The following PTPRT variants were observed in gnomAD, a reference collection of about 807,000 sequenced individuals.
PTPRT encodes the protein receptor-type tyrosine-protein phosphatase T.
In PTPRT, 56 loss-of-function variants were observed where a neutral mutation model predicts 176.8. That is an observed-to-expected ratio of 0.32 (90% CI 0.26 to 0.40). The LOEUF (loss-of-function observed/expected upper bound fraction) is 0.40, where lower values mean the gene tolerates loss of function less well. Ranked by LOEUF, PTPRT falls within the 10% of genes least tolerant of loss-of-function variation. The probability of loss-of-function intolerance (pLI) is 1.00; values close to 1 mark genes in which losing one functional copy is unlikely to be tolerated. For synonymous variants in PTPRT, 783 were observed against 739.0 expected (o/e 1.06, Z -0.96); for missense variants, 1,540 against 1,908.2 (o/e 0.81, Z 3.60).
At chr20:42,812,373 A>G (rs1447227570) in intron 2 of PTPRT, among the ~76,000 whole-genome samples, 3 of 152,144 alleles carry the variant, frequency 2.0e-5, no homozygotes, top group African/African-American at 7.2e-5. Context: ...TTTTGTAACC[A>G]TTAAGTAATA....
intron 1 of PTPRT, among the ~76,000 whole-genome samples, chr20:43,110,851 C>T (rs1314696079): frequency 6.6e-6 from 1 of 152,060 alleles, no homozygotes; most frequent in Non-Finnish European, 1.5e-5. Flanking sequence ...GTAGTTCTGC[C>T]TTCACATGCA....
chr20:43,025,709 T>C (rs926494739), intron 1 of PTPRT, among the ~76,000 whole-genome samples: 1 of 152,198 alleles, frequency 6.6e-6, no homozygotes, highest in Non-Finnish European at 1.5e-5. Context: ...CACCTATTAG[T>C]CCTGGAATAT....
intron 16 of PTPRT, among the ~76,000 whole-genome samples, chr20:42,184,614 T>TCTTCTTCTTCTC (rs1990692690): frequency 7.0e-6 from 1 of 142,570 alleles, no homozygotes; most frequent in African/African-American, 2.8e-5. Context: ...TTCTTCTTCT[T>TCTTCTTCTTCTC]CTCCTCCTTC....
At chr20:43,074,872 T>C (rs1420714831) in intron 1 of PTPRT, among the ~76,000 whole-genome samples, 1 of 152,184 alleles carries the variant, frequency 6.6e-6, no homozygotes, top group Non-Finnish European at 1.5e-5. Context: ...CTCCAACATT[T>C]TGGAAGAAAT....
chr20:42,033,620 G>C, the PTPRT span, among the ~76,000 whole-genome samples: 2 of 152,190 alleles, frequency 1.3e-5, no homozygotes, highest in South Asian at 4.1e-4. Context: ...TCTAAAGTCA[G>C]AGAGGCCTGG....
chr20:42,787,583 A>G (rs1399158586), intron 3 of PTPRT, among the ~76,000 whole-genome samples: 1 of 152,260 alleles, frequency 6.6e-6, no homozygotes, highest in Admixed American at 6.5e-5. Context: ...CATGTTCCAC[A>G]GAGCACACTC....
intron 16 of PTPRT, among the ~76,000 whole-genome samples, chr20:42,179,388 A>C (rs1213951325): frequency 6.6e-6 from 1 of 152,206 alleles, no homozygotes; most frequent in Non-Finnish European, 1.5e-5. Flanking sequence ...TAAATGGTTT[A>C]ATTTTCCTTA....
chr20:42,095,868 C>T (rs931125184), intron 27 of PTPRT, among the ~76,000 whole-genome samples: 1 of 152,196 alleles, frequency 6.6e-6, no homozygotes, highest in Non-Finnish European at 1.5e-5. Flanking sequence ...AATAGACTCT[C>T]TCCGGAACGT....
At chr20:43,102,496 A>G (rs1383875042) in intron 1 of PTPRT, among the ~76,000 whole-genome samples, 2 of 152,238 alleles carry the variant, frequency 1.3e-5, no homozygotes, top group African/African-American at 4.8e-5. Flanking sequence ...AAAGTCAGAG[A>G]GAGAGAACAG....
chr20:42,799,057 C>T (rs915969249), intron 2 of PTPRT, among the ~76,000 whole-genome samples: 3 of 149,160 alleles, frequency 2.0e-5, no homozygotes, highest in East Asian at 3.9e-4. Context: ...GGGAGAGACA[C>T]AAGACAAAGA....
At chr20:42,975,899 A>G (rs539460222) in intron 1 of PTPRT, among the ~76,000 whole-genome samples, 24 of 151,862 alleles carry the variant, frequency 1.6e-4, no homozygotes, top group African/African-American at 5.6e-4. Flanking sequence ...AATTAAAAAA[A>G]ACTATCAGTC....
chr20:42,362,180 T>C (rs540106029), intron 9 of PTPRT, among the ~76,000 whole-genome samples: 9 of 152,120 alleles, frequency 5.9e-5, no homozygotes, highest in Admixed American at 5.9e-4. Flanking sequence ...GCTGGGAGGA[T>C]TGCGTGAGCC....
In PTPRT at chr20:42,281,365, G is replaced by T. The variant is rs556037120; in HGVS notation, c.2176+1124C>A. On this transcript the variant is annotated intron_variant, in intron 13 of 30. Coordinates refer to ENST00000373187, the MANE Select transcript of PTPRT (RefSeq NM_007050.6). ...TCATGGTGACTTCTTATCACAGGGA[G>T]CCCTAGTGCTTCCGTTTTCTTCTTC... Among the ~76,000 whole-genome samples the T allele has an allele frequency of 2.0e-5, 3 of 152,256 alleles. No individual in the cohort carries two copies. In the South Asian group the frequency reaches 6.2e-4, roughly 32 times the overall value.
chr20:42,154,948 A>G (rs868833078), intron 17 of PTPRT, among the ~76,000 whole-genome samples: 4 of 152,184 alleles, frequency 2.6e-5, no homozygotes, highest in Non-Finnish European at 5.9e-5. Flanking sequence ...ATGGTTCAGA[A>G]TCACATGCCC....
chr20:42,343,334 C>A (rs997192453), intron 11 of PTPRT, among the ~76,000 whole-genome samples: 2 of 152,174 alleles, frequency 1.3e-5, no homozygotes, highest in East Asian at 1.9e-4. Context: ...TTCCATCCCA[C>A]GAACCAAGCC....
intron 15 of PTPRT, among the ~76,000 whole-genome samples, chr20:42,212,301 T>TAAA (rs763081026): frequency 3.8e-5 from 2 of 52,994 alleles, no homozygotes; most frequent in East Asian, 8.6e-4. Context: ...ACTTAAAGTA[T>TAAA]AAAAAAAAAA....
At chr20:42,648,084 G>A (rs1328481118) in intron 7 of PTPRT, among the ~76,000 whole-genome samples, 1 of 146,718 alleles carries the variant, frequency 6.8e-6, no homozygotes, top group East Asian at 2.0e-4. Context: ...CTGGGGAAAC[G>A]GCTCCCCTGA....
At chr20:42,351,685 AATTCATTCATTCATTC>A (rs56938076) in intron 10 of PTPRT, among the ~76,000 whole-genome samples, 2 of 150,834 alleles carry the variant, frequency 1.3e-5, no homozygotes, top group Non-Finnish European at 3.0e-5. Context: ...CTATAATAGT[AATTCATTCATTCATTC>A]ATTCATTCAT....
In PTPRT at chr20:42,084,928, A is replaced by G. The variant is rs1040904868; in HGVS notation, c.3973-83T>C. 1.7e-5 allele frequency: 20 copies of G among 1,211,978 alleles called. No homozygotes were observed. The Admixed American group carries it at 6.0e-4, about 36-fold the overall frequency. The allele number at this position is 1,211,978 out of a possible 1,614,324, so 75.1% of individuals were successfully genotyped here. A position where few individuals can be genotyped will look rare whatever the true frequency, so the allele number is the denominator to read the frequency against. On this transcript the variant is annotated intron_variant, in intron 28 of 30. Transcript: ENST00000373187. ...TTGCAGATACCCCGGGGACTGCAGCATCATGGTGGAAGACAGACCAAATGG... is the reference window on the plus strand; with the variant it reads ...TTGCAGATACCCCGGGGACTGCAGCGTCATGGTGGAAGACAGACCAAATGG...
Sources: gnomAD v4.1 joint callset for allele counts (sites outside exome capture counted in the v4.1 genomes callset) on GRCh38, gnomAD v4.1.1 for gene constraint, MANE v1.5 for transcripts, NCBI Gene and HGNC (gene_info 2026-07-23, HGNC 2026-07-21) for gene names.